Variants in HOXB13 observed in about 807,000 individuals in gnomAD.
HOXB13 encodes homeobox protein Hox-B13.
In HOXB13, 22 loss-of-function variants were observed where a neutral mutation model predicts 23.1. The observed-to-expected ratio is 0.95, with a 90% CI of 0.68 to 1.36. HOXB13 has a LOEUF of 1.36. Ranked by LOEUF, HOXB13 falls within the 40% of genes most tolerant of loss-of-function variation. The probability of loss-of-function intolerance (pLI) is 0.00; values close to 1 mark genes in which losing one functional copy is unlikely to be tolerated. For synonymous variants in HOXB13, 173 were observed against 157.9 expected, an observed-to-expected ratio of 1.10 and a Z score of -0.72; for missense variants, 386 against 376.2, an observed-to-expected ratio of 1.03 and a Z score of -0.22.
intron 1 of HOXB13, 118 bp downstream of exon 1, chr17:48,727,875 G>C: frequency 8.1e-7 from 1 of 1,241,250 alleles, no homozygotes; most frequent in Non-Finnish European, 1.1e-6. Flanking sequence ...AACCAAGGGA[G>C]GAGCACCAAG....
In HOXB13 at chr17:48,727,062, A is replaced by C. The variant is rs1412314161; in HGVS notation, c.602-19T>G. 21 of 1,601,088 alleles carry C rather than the reference A, an allele frequency of 1.3e-5. No homozygotes were observed. The highest frequency in any genetic ancestry group is 1.8e-5 in the Non-Finnish European group (21 of 1,179,062). ...CTGGAGTCTGCGCGGCGTGAAAGGGAGGGAGGAAAAGGCATGGTCAGATAC... is the reference window on the plus strand; with the variant it reads ...CTGGAGTCTGCGCGGCGTGAAAGGGCGGGAGGAAAAGGCATGGTCAGATAC... On this transcript the variant is annotated intron_variant, in intron 1 of 1. Coordinates refer to ENST00000290295, the MANE Select transcript of HOXB13 (RefSeq NM_006361.6).
chr17:48,728,531 C>A lies in HOXB13; in HGVS notation c.63G>T (p.Ala21=), dbSNP rs368505949. The A allele has an allele frequency of 6.2e-7, 1 of 1,613,222 alleles. No individual in the cohort carries two copies. Among genetic ancestry groups the A allele is most frequent in the South Asian group, 1.1e-5 (1 of 91,066 alleles). ...GAKDIEGLLG[A]GGGRNLVAHS... ...GGGCGACCAGATTCCGCCCCCCTCC[C>A]GCTCCCAGCAAGCCTTCGATATCCT... Residue 21 remains alanine, a synonymous_variant, in exon 1 of 2, where the codon GCG becomes GCT. Transcript: ENST00000290295.
rs568458574 is a variant in HOXB13, at chr17:48,724,975, C to G, written c.*1815G>C. The G allele has an allele frequency of 3.8e-6, 1 of 260,312 alleles. No homozygotes were observed. Among genetic ancestry groups the G allele is most frequent in the South Asian group, 1.7e-4 (1 of 5,754 alleles). The allele number at this position is 260,312 out of a possible 1,614,324, so 16.1% of individuals were successfully genotyped here. ...GGGGTCACCCCGCACCATGCCGCTC[C>G]CCCTCATCTATCTTGCCCCCTCCCC... On this transcript the variant is annotated 3_prime_UTR_variant, in exon 2 of 2. Coordinates refer to ENST00000290295, the MANE Select transcript of HOXB13 (RefSeq NM_006361.6).
In HOXB13 at chr17:48,728,340, C is replaced by T. The variant is rs778563157; in HGVS notation, c.254G>A (p.Gly85Asp). The T allele has an allele frequency of 6.2e-7, 1 of 1,614,016 alleles. No homozygotes were observed. Among genetic ancestry groups the T allele is most frequent in the Non-Finnish European group, 8.5e-7 (1 of 1,180,014 alleles). Reference sequence around the variant, plus strand: ...GGACACTCGGCAGGAGTAGTACCCGCCTCCAAAGTAACCATAAGGCACGGG... The same window carrying T: ...GGACACTCGGCAGGAGTAGTACCCGTCTCCAAAGTAACCATAAGGCACGGG... ...PAPVPYGYFGGGYYSCRVSRS... is the reference protein window; with the variant it reads ...PAPVPYGYFGDGYYSCRVSRS... The change falls in exon 1 of 2, where the codon GGC becomes GAC. Residue 85 changes from glycine (G) to aspartate (D), a missense_variant. Transcript: ENST00000290295.
chr17:48,727,027 G>GTGC lies in HOXB13; in HGVS notation c.615_617dup (p.Gln205dup), dbSNP rs2143067886. On this transcript the variant is annotated inframe_insertion, in exon 2 of 2. Transcript: ENST00000290295. Reference sequence around the variant, plus strand: ...GACGAAAGGCGCAGGCGTCAGGAGGGTGCTGCCCGCTGGAGTCTGCGCGGC... The same window carrying GTGC: ...GACGAAAGGCGCAGGCGTCAGGAGGGTGCTGCTGCCCGCTGGAGTCTGCGCGGC... The GTGC allele has an allele frequency of 6.2e-7, 1 of 1,607,930 alleles. No homozygotes were observed. The highest frequency in any genetic ancestry group is 1.1e-5 in the South Asian group (1 of 91,074).
Position 48,728,164 on chromosome 17 carries a change from G to A in HOXB13, c.430C>T (p.Leu144=), listed in dbSNP as rs1471084758. 1.2e-6 allele frequency: 2 copies of A among 1,614,228 alleles called. No individual in the cohort carries two copies. The highest frequency in any genetic ancestry group is 8.5e-7 in the Non-Finnish European group (1 of 1,180,040). ...PGTYQPMASY[L]DVSVVQTLGA... is the part of the protein sequence containing the mutation. ...AGAGTCTGCACCACAGACACGTCCA[G>A]GTAACTGGCCATAGGCTGGTAGGTT... is the stretch of plus-strand genomic sequence containing the variant. Residue 144 remains leucine, a synonymous_variant, in exon 1 of 2, where the codon CTG becomes TTG. Coordinates refer to ENST00000290295, the MANE Select transcript of HOXB13 (RefSeq NM_006361.6).
rs1567701724 is a variant in HOXB13 at position 48,728,584 on chromosome 17, C to G, written c.10G>C (p.Gly4Arg). 6.2e-7 allele frequency: 1 copy of G among 1,611,894 alleles called. No individual in the cohort carries two copies. The highest frequency in any genetic ancestry group is 1.3e-5 in the African/African-American group (1 of 74,878). ...GCTCCATCCAAGGTGGCATAATTGC[C>G]GGGCTCCATGGAGCCGAGGGTCGGC... MEPGNYATLDGAKD... is the reference protein window; with the variant it reads MEPRNYATLDGAKD... The change falls in exon 1 of 2, where the codon GGC becomes CGC. Residue 4 changes from glycine to arginine, a missense_variant. Coordinates refer to ENST00000290295, the MANE Select transcript of HOXB13 (RefSeq NM_006361.6).
In HOXB13 at chr17:48,728,297, G is replaced by A. The variant is rs1597934560; in HGVS notation, c.297C>T (p.Pro99=). 6.2e-7 allele frequency: 1 copy of A among 1,614,138 alleles called. No individual in the cohort carries two copies. ...SCRVSRSSLK[P]CAQAATLAAY... is the part of the protein sequence containing the mutation. ...CGGCCAGGGTGGCTGCCTGGGCACAGGGTTTCAGCGAGCTCCGGGACACTC... is the reference window on the plus strand; with the variant it reads ...CGGCCAGGGTGGCTGCCTGGGCACAAGGTTTCAGCGAGCTCCGGGACACTC... The change falls in exon 1 of 2, where the codon CCC becomes CCT. Residue 99 remains proline, a synonymous_variant. Transcript: ENST00000290295.
rs751698154 is a variant in HOXB13 at position 48,728,254 on chromosome 17, G to T, written c.340C>A (p.Pro114Thr). ...CTGGGGTACTCTTCCCCGGCCGTGG[G>T]AGTCTCCGCGGGGTACGCGGCCAGG... ...ATLAAYPAET[P>T]TAGEEYPSRP... The change falls in exon 1 of 2, where the codon CCC (proline) becomes ACC (threonine). Residue 114 changes from proline to threonine, a missense_variant. Physicochemically the swap from Pro to Thr is conservative, Grantham distance 38. Coordinates refer to ENST00000290295, the MANE Select transcript of HOXB13 (RefSeq NM_006361.6). 11 of 1,614,194 alleles carry T rather than the reference G, an allele frequency of 6.8e-6. No homozygotes were observed. In the East Asian group the frequency reaches 2.2e-4, roughly 33 times the overall value.
chr17:48,728,214 A>T lies in HOXB13; in HGVS notation c.380T>A (p.Phe127Tyr), dbSNP rs1308777323. 4 of 1,614,056 alleles carry T rather than the reference A, an allele frequency of 2.5e-6. No homozygotes were observed. The highest frequency in any genetic ancestry group is 4.5e-5 in the East Asian group (2 of 44,878). ...GEEYPSRPTE[F>Y]AFYPGYPGTY... Reference sequence around the variant, plus strand: ...TCCCGGATATCCCGGATAGAAGGCAAACTCAGTGGGGCGGCTGGGGTACTC... The same window carrying T: ...TCCCGGATATCCCGGATAGAAGGCATACTCAGTGGGGCGGCTGGGGTACTC... Residue 127 changes from phenylalanine to tyrosine, a missense_variant, in exon 1 of 2, where the codon TTT (phenylalanine) becomes TAT (tyrosine). Phe to Tyr is a conservative substitution (Grantham distance 22). Transcript: ENST00000290295.
chr17:48,727,728 C>T (rs2038226007), intron 1 of HOXB13, among the ~76,000 whole-genome samples: 7 of 152,168 alleles, frequency 4.6e-5, no homozygotes. Context: ...ACCTCTCAGA[C>T]ATGTTGAAAG....
chr17:48,726,759 T>G lies in HOXB13; in HGVS notation c.*31A>C. ...CTGGTCTCCCCAGGACACCCCCACT[T>G]TCGCTCCTCCCACCCAGGCAAGGAG... On this transcript the variant is annotated 3_prime_UTR_variant, in exon 2 of 2. Coordinates refer to ENST00000290295, the MANE Select transcript of HOXB13 (RefSeq NM_006361.6). 6.2e-7 allele frequency: 1 copy of G among 1,609,256 alleles called. No homozygotes were observed. Among genetic ancestry groups the G allele is most frequent in the Non-Finnish European group, 8.5e-7 (1 of 1,176,930 alleles).
At position 48,726,044 on chromosome 17, in the gene HOXB13, G is replaced by A. The variant is rs1236504552; in HGVS notation, c.*746C>T. 1 of 152,266 alleles carries A rather than the reference G, an allele frequency of 6.6e-6. No homozygotes were observed. Among genetic ancestry groups the A allele is most frequent in the African/African-American group, 2.4e-5 (1 of 41,450 alleles). 9.4% of individuals were successfully genotyped at this position (152,266 alleles called of 1,614,324 possible). On this transcript the variant is annotated 3_prime_UTR_variant, in exon 2 of 2. Transcript: ENST00000290295. Reference sequence around the variant, plus strand: ...TTAAGGGAAGACTCAGAGAGTTTGGGGGAGGAAATTAATGGTGAATTACCC... The same window carrying A: ...TTAAGGGAAGACTCAGAGAGTTTGGAGGAGGAAATTAATGGTGAATTACCC...
chr17:48,727,704 G>A (rs1394515402), intron 1 of HOXB13, among the ~76,000 whole-genome samples: 3 of 152,152 alleles, frequency 2.0e-5, no homozygotes, highest in East Asian at 3.8e-4. Context: ...CCACTCAACA[G>A]CAAAGAGATC....
Position 48,726,924 on chromosome 17 carries a change from T to C in HOXB13, c.721A>G (p.Ile241Val). ...LEREYAANKF[I>V]TKDKRRKISA... ...ATCTTGCGCCTCTTGTCCTTGGTGA[T>C]GAACTTGTTAGCCGCATACTCCCGC... The change falls in exon 2 of 2, where the codon ATC becomes GTC. Residue 241 changes from isoleucine (I) to valine (V), a missense_variant. Ile to Val is a conservative substitution (Grantham distance 29, BLOSUM62 3). Transcript: ENST00000290295. 1 of 1,613,994 alleles carries C rather than the reference T, an allele frequency of 6.2e-7. No homozygotes were observed. The highest frequency in any genetic ancestry group is 8.5e-7 in the Non-Finnish European group (1 of 1,180,018).
chr17:48,726,977 TAC>T lies in HOXB13; in HGVS notation c.666_667del (p.Tyr223GlnfsTer15), dbSNP rs2038218321. The T allele has an allele frequency of 4.3e-6, 7 of 1,613,096 alleles. No homozygotes were observed. Among genetic ancestry groups the T allele is most frequent in the Non-Finnish European group, 5.9e-6 (7 of 1,180,012 alleles). On this transcript the variant is annotated frameshift_variant, in exon 2 of 2. Transcript: ENST00000290295. LOFTEE classifies it high-confidence loss of function. ...CAGCTCCCGCAACTGCCCCTTGCTG[TAC>T]GGAATGCGTTTCTTGCGGCCGCGAC...
chr17:48,728,466 A>T lies in HOXB13; in HGVS notation c.128T>A (p.Met43Lys). The change falls in exon 1 of 2, where the codon ATG (methionine) becomes AAG (lysine). Residue 43 changes from methionine (M) to lysine (K), a missense_variant. Transcript: ENST00000290295. The part of the protein sequence containing the change: ...LTSHPAAPTL[M>K]PAVNYAPLDL... ...CAAGGGGGCATAGTTGACAGCAGGC[A>T]TCAGCGTAGGCGCCGCTGGGTGGCT... 1 of 1,613,242 alleles carries T rather than the reference A, an allele frequency of 6.2e-7. No homozygotes were observed.
rs11653611 is a variant in HOXB13 at position 48,726,176 on chromosome 17, C to T, written c.*614G>A. 0.32 allele frequency: 48,248 copies of T among 152,236 alleles called. 9,806 individuals carry two copies. The highest frequency in any genetic ancestry group is 0.45 in the Non-Finnish European group (30,715 of 68,020). 9.4% of individuals were successfully genotyped at this position (152,236 alleles called of 1,614,324 possible). A position where few individuals can be genotyped will look rare whatever the true frequency, so the allele number is the denominator to read the frequency against. ...AAAATCATCGTATTAAGGATGGGTG[C>T]TTCCAAGACCAGTGGGTACACCCTA... On this transcript the variant is annotated 3_prime_UTR_variant, in exon 2 of 2. Coordinates refer to ENST00000290295, the MANE Select transcript of HOXB13 (RefSeq NM_006361.6).
At position 48,728,127 on chromosome 17, in the gene HOXB13, C is replaced by T. The variant is rs1427616006; in HGVS notation, c.467G>A (p.Gly156Glu). The change falls in exon 1 of 2, where the codon GGA becomes GAA. Residue 156 changes from glycine (G) to glutamate (E), a missense_variant. Coordinates refer to ENST00000290295, the MANE Select transcript of HOXB13 (RefSeq NM_006361.6). The stretch of plus-strand genomic sequence containing the variant: ...CAACAGGGAGTCATGTCGCGGTTCT[C>T]CAGGAGCACCCAGAGTCTGCACCAC... ...VSVVQTLGAP[G>E]EPRHDSLLPV... is the part of the protein sequence containing the mutation. The T allele has an allele frequency of 2.5e-6, 4 of 1,614,092 alleles. No individual in the cohort carries two copies. Among genetic ancestry groups the T allele is most frequent in the Non-Finnish European group, 3.4e-6 (4 of 1,180,056 alleles).
Sources: allele counts gnomAD v4.1 joint callset (sites outside exome capture counted in the v4.1 genomes callset), GRCh38; gene constraint gnomAD v4.1.1; transcripts MANE v1.5; gene names NCBI Gene and HGNC (gene_info 2026-07-23, HGNC 2026-07-21).